GNB4: variants seen among roughly 807,000 people sequenced by gnomAD.
GNB4 encodes the protein guanine nucleotide-binding protein subunit beta-4.
GNB4 carries 28 observed loss-of-function variants against 45.2 expected under a neutral mutation model. The ratio of observed to expected loss-of-function variants is 0.62; its 90% confidence interval spans 0.46 to 0.85. The LOEUF (loss-of-function observed/expected upper bound fraction) is 0.85, where lower values mean the gene tolerates loss of function less well. Ranked by LOEUF, GNB4 falls within the 40% of genes least tolerant of loss-of-function variation. The pLI is 0.00. For missense variants in GNB4, 321 were observed against 425.4 expected (o/e 0.75, Z 2.16); for synonymous variants, 132 against 143.7 (o/e 0.92, Z 0.58).
rs201245486 is a variant in GNB4 at position 179,430,064 on chromosome 3, TGAGA to T, written c.-42-3826_-42-3823del. On this transcript the variant is annotated intron_variant, in intron 1 of 9. Transcript: ENST00000232564. Reference sequence around the variant, plus strand: ...CATCTTCCTTGTGTGTGTGTGTGACTGAGAGAGAGACAGACAGACAGACAGACAG... The same window carrying T: ...CATCTTCCTTGTGTGTGTGTGTGACTGAGAGACAGACAGACAGACAGACAG... Among the ~76,000 whole-genome samples the T allele has an allele frequency of 7.7e-3, 801 of 104,374 alleles. 4 individuals carry two copies. The highest frequency in any genetic ancestry group is 0.012 in the Non-Finnish European group (589 of 50,382). 68.5% of individuals were successfully genotyped at this position (104,374 alleles called of 152,430 possible).
the GNB4 span, among the ~76,000 whole-genome samples, chr3:179,497,571 T>C: frequency 6.6e-6 from 1 of 152,028 alleles, no homozygotes; most frequent in African/African-American, 2.4e-5. Context: ...AGGCAACCTA[T>C]CGGATGGGAG....
chr3:179,415,424 A>G (rs1432901150), intron 5 of GNB4, among the ~76,000 whole-genome samples: 2 of 152,364 alleles, frequency 1.3e-5, no homozygotes, highest in East Asian at 3.9e-4. Flanking sequence ...AATTTCCTCC[A>G]ACATAACTCT....
intron 3 of GNB4, 95 bp downstream of exon 3, chr3:179,420,794 A>G (rs563221458): frequency 1.2e-4 from 95 of 780,426 alleles, no homozygotes; most frequent in East Asian, 1.2e-3. Flanking sequence ...ACTTTTTTCA[A>G]TTAAGCACTA....
chr3:179,425,573 C>T (rs958790476), intron 2 of GNB4, among the ~76,000 whole-genome samples: 1 of 152,148 alleles, frequency 6.6e-6, no homozygotes, highest in Non-Finnish European at 1.5e-5. Flanking sequence ...AGGGATCAAG[C>T]CATTCTCCTG....
At chr3:179,415,915 A>G (rs537091872) in intron 5 of GNB4, among the ~76,000 whole-genome samples, 14 of 152,358 alleles carry the variant, frequency 9.2e-5, no homozygotes, top group African/African-American at 2.9e-4. Context: ...AAATACTAAT[A>G]TGTATACACA....
At chr3:179,479,799 A>T in the GNB4 span, among the ~76,000 whole-genome samples, 1 of 152,250 alleles carries the variant, frequency 6.6e-6, no homozygotes, top group Non-Finnish European at 1.5e-5. Context: ...TATTTTTCAA[A>T]TGTTCTTAAG....
chr3:179,407,336 G>A (rs770785829), intron 8 of GNB4, among the ~76,000 whole-genome samples: 4 of 152,196 alleles, frequency 2.6e-5, no homozygotes, highest in Non-Finnish European at 4.4e-5. Flanking sequence ...GCGGGTGCCT[G>A]TAGTCCCAGC....
chr3:179,421,762 C>T (rs535703371), intron 2 of GNB4, among the ~76,000 whole-genome samples: 1 of 152,316 alleles, frequency 6.6e-6, no homozygotes, highest in Non-Finnish European at 1.5e-5. Flanking sequence ...TATAACCACT[C>T]AGAATATTTC....
intron 1 of GNB4, among the ~76,000 whole-genome samples, chr3:179,427,605 TAAAAAAAAAAA>T (rs67400722): frequency 1.5e-5 from 2 of 129,730 alleles, no homozygotes; most frequent in African/African-American, 2.9e-5. Flanking sequence ...ACTCTGGCTT[TAAAAAAAAAAA>T]AAAAAAAAAA....
At chr3:179,511,509 A>G in the GNB4 span, among the ~76,000 whole-genome samples, 1 of 152,224 alleles carries the variant, frequency 6.6e-6, no homozygotes, top group African/African-American at 2.4e-5. Context: ...GGCAGCATTA[A>G]GTAGTGGTTA....
chr3:179,410,117 T>A (rs545469278), intron 8 of GNB4, among the ~76,000 whole-genome samples: 1 of 152,288 alleles, frequency 6.6e-6, no homozygotes, highest in South Asian at 2.1e-4. Context: ...GATTGTAAGT[T>A]TCCTGAGGCC....
the GNB4 span, among the ~76,000 whole-genome samples, chr3:179,509,817 A>G: frequency 2.0e-5 from 3 of 151,922 alleles, no homozygotes; most frequent in Non-Finnish European, 4.4e-5. Context: ...TCACATACAA[A>G]TACAGAATTC....
the GNB4 span, among the ~76,000 whole-genome samples, chr3:179,523,780 G>T: frequency 5.6e-3 from 856 of 151,938 alleles, 3 homozygotes; most frequent in Non-Finnish European, 9.1e-3. Flanking sequence ...GTGGGTTAAG[G>T]TGGGGGGGAT....
the GNB4 span, among the ~76,000 whole-genome samples, chr3:179,509,436 A>G: frequency 6.6e-6 from 1 of 152,172 alleles, no homozygotes; most frequent in Non-Finnish European, 1.5e-5. Context: ...AAGCCAAATT[A>G]TAAGCAGAAG....
chr3:179,468,035 A>AAAAAAAAGAAAAAAT, the GNB4 span, among the ~76,000 whole-genome samples: 1 of 89,856 alleles, frequency 1.1e-5, no homozygotes, highest in African/African-American at 4.0e-5. Context: ...TGTTGATAAA[A>AAAAAAAAGAAAAAAT]ATATATATAT....
chr3:179,494,051 C>G, the GNB4 span, among the ~76,000 whole-genome samples: 1 of 152,156 alleles, frequency 6.6e-6, no homozygotes, highest in African/African-American at 2.4e-5. Flanking sequence ...TAGAGCTTGT[C>G]TCAATGGATC....
At chr3:179,452,134 T>C (rs751402100), upstream of GNB4, among the ~76,000 whole-genome samples, 3 of 152,200 alleles carry the variant, frequency 2.0e-5, no homozygotes, top group Admixed American at 6.5e-5. Flanking sequence ...CCTATTGTCA[T>C]TGATAAAACT....
chr3:179,522,044 T>C, the GNB4 span, among the ~76,000 whole-genome samples: 2 of 152,112 alleles, frequency 1.3e-5, no homozygotes, highest in Non-Finnish European at 2.9e-5. Context: ...CAACACTATT[T>C]TGCCTTATTT....
the GNB4 span, among the ~76,000 whole-genome samples, chr3:179,509,962 G>A: frequency 1.3e-5 from 2 of 151,930 alleles, no homozygotes; most frequent in Non-Finnish European, 2.9e-5. Context: ...TAGCTTGGAC[G>A]CCAAGTGTGC....
Sources: gnomAD v4.1 joint callset for allele counts (sites outside exome capture counted in the v4.1 genomes callset) on GRCh38, gnomAD v4.1.1 for gene constraint, MANE v1.5 for transcripts, NCBI Gene and HGNC (gene_info 2026-07-23, HGNC 2026-07-21) for gene names.